Variants in KLK14 observed in about 807,000 individuals in gnomAD.
KLK14 encodes the protein kallikrein-14.
A neutral mutation model predicts 24.6 loss-of-function variants in KLK14; 21 were observed. The observed-to-expected ratio is 0.85, with a 90% CI of 0.61 to 1.23. The LOEUF (loss-of-function observed/expected upper bound fraction) is 1.23. Among genes scored for constraint, KLK14 ranks in the 50% most tolerant of loss-of-function variants. The probability of loss-of-function intolerance (pLI) is 0.00; values close to 1 mark genes in which losing one functional copy is unlikely to be tolerated. For missense variants in KLK14, 320 were observed against 338.9 expected, an observed-to-expected ratio of 0.94 and a Z score of 0.44; for synonymous variants, 133 against 139.7, an observed-to-expected ratio of 0.95 and a Z score of 0.34.
At chr19:51,077,706 G>C (rs534885974), downstream of KLK14, among the ~76,000 whole-genome samples, 1 of 142,622 alleles carries the variant, frequency 7.0e-6, no homozygotes, top group African/African-American at 2.7e-5. Context: ...GGGAGGAGGG[G>C]CTGGGGGCCT....
At chr19:51,084,166 T>TG (rs1479533035), upstream of KLK14, 1 of 152,318 alleles carries the variant, frequency 6.6e-6, no homozygotes, top group East Asian at 1.9e-4. Context: ...TCCTGAGAGA[T>TG]GGGGGAGCAG....
Position 51,079,453 on chromosome 19 carries a change from G to A in KLK14, c.462C>T (p.Pro154=), listed in dbSNP as rs1443891590. The A allele has an allele frequency of 1.2e-6, 2 of 1,608,080 alleles. No homozygotes were observed. The highest frequency in any genetic ancestry group is 1.7e-6 in the Non-Finnish European group (2 of 1,176,124). Residue 154 remains proline, a synonymous_variant, in exon 4 of 6, where the codon CCC becomes CCT. Coordinates refer to ENST00000650543, the MANE Select transcript of KLK14 (RefSeq NM_001369775.2). ...CCAAGACGCAGGAGTCCTCACCGAT[G>A]GGGCTGGATATAGTTCCCCAGCCTG... ...RVSGWGTISS[P]IARYPASLQC...
At position 51,077,921 on chromosome 19, in the gene KLK14, G is replaced by A; in HGVS notation, c.*86C>T. The A allele has an allele frequency of 1.3e-6, 2 of 1,517,456 alleles. No individual in the cohort carries two copies. The highest frequency in any genetic ancestry group is 1.8e-6 in the Non-Finnish European group (2 of 1,118,698). 94.0% of individuals were successfully genotyped at this position (1,517,456 alleles called of 1,614,324 possible). A position where few individuals can be genotyped will look rare whatever the true frequency, so the allele number is the denominator to read the frequency against. On this transcript the variant is annotated 3_prime_UTR_variant, in exon 6 of 6. Coordinates refer to ENST00000650543, the MANE Select transcript of KLK14 (RefSeq NM_001369775.2). ...GCCTGGACTCCTGGGTCTGAGGGAG[G>A]AGGGGCTGGGGCCTGGACTCCTGGG...
chr19:51,081,436 T>C (rs1568598417), intron 3 of KLK14, 96 bp downstream of exon 3: 7 of 1,160,300 alleles, frequency 6.0e-6, no homozygotes, highest in Non-Finnish European at 7.9e-6. Context: ...AGCCACTACA[T>C]TGGGTTCTAT....
rs539060915 is a variant in KLK14, at chr19:51,078,688, C to T, written c.603+127G>A. On this transcript the variant is annotated intron_variant, in intron 5 of 5. Transcript: ENST00000650543. The surrounding 1 kb of genome is among the most constrained non-coding windows in gnomAD (Gnocchi z 5.0). ...CTAGGAAGCAGGGTGGCCTGGCTATCGGAATCTCTCTGTGCCTGCGGTTCA... is the reference window on the plus strand; with the variant it reads ...CTAGGAAGCAGGGTGGCCTGGCTATTGGAATCTCTCTGTGCCTGCGGTTCA... 2.8e-4 allele frequency: 365 copies of T among 1,283,996 alleles called. No individual in the cohort carries two copies. In the African/African-American group the frequency reaches 4.2e-3, roughly 15 times the overall value. 79.5% of individuals were successfully genotyped at this position (1,283,996 alleles called of 1,614,324 possible). A position where few individuals can be genotyped will look rare whatever the true frequency, so the allele number is the denominator to read the frequency against.
At chr19:51,083,963 G>T (rs377218588), upstream of KLK14, among the ~76,000 whole-genome samples, 1 of 152,154 alleles carries the variant, frequency 6.6e-6, no homozygotes, top group South Asian at 2.1e-4. Flanking sequence ...GCAGGCCGAT[G>T]GCAGAGGGGA....
rs748031503 is a variant in KLK14, at chr19:51,081,569, C to A, written c.175G>T (p.Gly59Cys). 1.9e-6 allele frequency: 3 copies of A among 1,545,026 alleles called. No homozygotes were observed. In the South Asian group the frequency reaches 3.6e-5, roughly 19 times the overall value. ...RFLCGGALLS[G>C]QWVITAAHCG... ...TGAGCAGCAGTGATGACCCACTGGC[C>A]TGAAAGCAGGGCGCCTCCGCAGAGG... The change falls in exon 3 of 6, where the codon GGC (glycine) becomes TGC (cysteine). Residue 59 changes from glycine to cysteine, a missense_variant. Transcript: ENST00000650543.
rs1398300670 is a variant in KLK14, at chr19:51,079,621, CACCTGACGA to C, written c.285_293del (p.Arg96_Val98del). ...TCCGGGAGTTGTAGTTGGGGTGCGT[CACCTGACGA>C]ACCACGCGCAGCACCTGCTGGGTGG... On this transcript the variant is annotated inframe_deletion, in exon 4 of 6. Coordinates refer to ENST00000650543, the MANE Select transcript of KLK14 (RefSeq NM_001369775.2). 6.2e-7 allele frequency: 1 copy of C among 1,612,488 alleles called. No homozygotes were observed. Among genetic ancestry groups the C allele is most frequent in the African/African-American group, 1.3e-5 (1 of 74,904 alleles).
downstream of KLK14, chr19:51,077,797 C>T (rs12984702): frequency 1.4e-4 from 33 of 230,212 alleles, no homozygotes; most frequent in African/African-American, 3.6e-4. Context: ...CCTGGACTCC[C>T]GGGTCTGAGG....
Position 51,079,661 on chromosome 19 carries a change from C to G in KLK14, c.254G>C (p.Trp85Ser), listed in dbSNP as rs755411105. The change falls in exon 4 of 6, where the codon TGG (tryptophan) becomes TCG (serine). Residue 85 changes from tryptophan to serine, a missense_variant. By Grantham distance (177) the Trp-to-Ser change is radical. Coordinates refer to ENST00000650543, the MANE Select transcript of KLK14 (RefSeq NM_001369775.2). ...VALGKHNLRR[W>S]EATQQVLRVV... The stretch of plus-strand genomic sequence containing the variant: ...GCGCAGCACCTGCTGGGTGGCCTCC[C>G]ACCTCCTCAGGTTGTGCTTGCCCAG... 1.6e-5 allele frequency: 25 copies of G among 1,587,366 alleles called. No individual in the cohort carries two copies. In the East Asian group the frequency reaches 5.8e-4, roughly 37 times the overall value.
At position 51,079,620 on chromosome 19, in the gene KLK14, T is replaced by C. The variant is rs2091826895; in HGVS notation, c.295A>G (p.Thr99Ala). 2 of 1,612,634 alleles carry C rather than the reference T, an allele frequency of 1.2e-6. No individual in the cohort carries two copies. Among genetic ancestry groups the C allele is most frequent in the Non-Finnish European group, 1.7e-6 (2 of 1,179,450 alleles). ...GTCCGGGAGTTGTAGTTGGGGTGCGTCACCTGACGAACCACGCGCAGCACC... is the reference window on the plus strand; with the variant it reads ...GTCCGGGAGTTGTAGTTGGGGTGCGCCACCTGACGAACCACGCGCAGCACC... The part of the protein sequence containing the change: ...QQVLRVVRQV[T>A]HPNYNSRTHD... The change falls in exon 4 of 6, where the codon ACG (threonine) becomes GCG (alanine). Residue 99 changes from threonine (T) to alanine (A), a missense_variant. Coordinates refer to ENST00000650543, the MANE Select transcript of KLK14 (RefSeq NM_001369775.2).
At chr19:51,080,189 T>TG (rs1200882325) in intron 3 of KLK14, among the ~76,000 whole-genome samples, 11 of 151,734 alleles carry the variant, frequency 7.2e-5, no homozygotes, top group African/African-American at 2.4e-4. Flanking sequence ...TTTATTTTTT[T>TG]TTTGTGATGG....
In KLK14 at chr19:51,078,846, C is replaced by T; in HGVS notation, c.572G>A (p.Gly191Glu). The T allele has an allele frequency of 6.2e-7, 1 of 1,614,078 alleles. No homozygotes were observed. Among genetic ancestry groups the T allele is most frequent in the South Asian group, 1.1e-5 (1 of 91,084 alleles). ...AGAGTCCTTCCCGCCCTGGGGAACTCCTGCACAGACCATGCCAGGCGTGAT... is the reference window on the plus strand; with the variant it reads ...AGAGTCCTTCCCGCCCTGGGGAACTTCTGCACAGACCATGCCAGGCGTGAT... ...RTITPGMVCAGVPQGGKDSCQ... is the reference protein window; with the variant it reads ...RTITPGMVCAEVPQGGKDSCQ... Residue 191 changes from glycine to glutamate, a missense_variant, in exon 5 of 6, where the codon GGA (glycine) becomes GAA (glutamate). By Grantham distance (98) the Gly-to-Glu change is moderately conservative (BLOSUM62 -2). Transcript: ENST00000650543. The surrounding 1 kb of genome is among the most constrained non-coding windows in gnomAD (Gnocchi z 5.0).
At position 51,082,879 on chromosome 19, in the gene KLK14, G is replaced by A; in HGVS notation, c.-180C>T. ...TGTCTTGATGAAGGAAGGAGGGGAG[G>A]TGTCTCTCTTCCTAGTCACACTGGC... On this transcript the variant is annotated 5_prime_UTR_variant, in exon 1 of 6. Coordinates refer to ENST00000650543, the MANE Select transcript of KLK14 (RefSeq NM_001369775.2). 2 of 1,006,790 alleles carry A rather than the reference G, an allele frequency of 2.0e-6. No individual in the cohort carries two copies. Among genetic ancestry groups the A allele is most frequent in the South Asian group, 3.0e-5 (2 of 66,162 alleles). The allele number at this position is 1,006,790 out of a possible 1,614,324, so 62.4% of individuals were successfully genotyped here. A position where few individuals can be genotyped will look rare whatever the true frequency, so the allele number is the denominator to read the frequency against.
chr19:51,079,360 C>T, intron 4 of KLK14, 89 bp downstream of exon 4: 1 of 1,357,144 alleles, frequency 7.4e-7, no homozygotes, highest in Non-Finnish European at 9.9e-7. Flanking sequence ...TCCCTCAGAC[C>T]CAGGAGCCCC....
Position 51,079,610 on chromosome 19 carries a change from T to A in KLK14, c.305A>T (p.Asn102Ile). 3.1e-6 allele frequency: 5 copies of A among 1,613,410 alleles called. No homozygotes were observed. The highest frequency in any genetic ancestry group is 4.2e-6 in the Non-Finnish European group (5 of 1,179,752). ...GTTGTCGTGGGTCCGGGAGTTGTAG[T>A]TGGGGTGCGTCACCTGACGAACCAC... ...LRVVRQVTHP[N>I]YNSRTHDNDL... The change falls in exon 4 of 6, where the codon AAC becomes ATC. Residue 102 changes from asparagine to isoleucine, a missense_variant. Coordinates refer to ENST00000650543, the MANE Select transcript of KLK14 (RefSeq NM_001369775.2).
chr19:51,081,776 CA>C lies in KLK14; in HGVS notation c.41-74del, dbSNP rs574882564. ...TCCACTCCACAAGTTTGTAGGATTC[CA>C]AAACTGACAAATCCCCTTCCTTTTG... On this transcript the variant is annotated intron_variant, in intron 2 of 5. Coordinates refer to ENST00000650543, the MANE Select transcript of KLK14 (RefSeq NM_001369775.2). The C allele has an allele frequency of 6.4e-4, 852 of 1,330,958 alleles. 5 individuals carry two copies. In the African/African-American group the frequency reaches 0.012, roughly 18 times the overall value. 82.4% of individuals were successfully genotyped at this position (1,330,958 alleles called of 1,614,324 possible).
intron 2 of KLK14, 137 bp from the exon 3 acceptor site, chr19:51,081,840 C>T: frequency 3.9e-6 from 3 of 773,212 alleles, no homozygotes; most frequent in South Asian, 2.1e-5. Context: ...TCTGTCCCAC[C>T]CAGGGTGAGA....
intron 4 of KLK14, among the ~76,000 whole-genome samples, 159 bp from the exon 5 acceptor site, chr19:51,079,110 A>G (rs1423890733): frequency 8.0e-5 from 10 of 124,498 alleles, no homozygotes; most frequent in African/African-American, 3.3e-4. Flanking sequence ...CCTCAGACCC[A>G]GGAGTCCAGA....
Sources: allele counts gnomAD v4.1 joint callset (sites outside exome capture counted in the v4.1 genomes callset), GRCh38; gene constraint gnomAD v4.1.1; non-coding constraint Gnocchi (gnomAD v3.1); transcripts MANE v1.5; gene names NCBI Gene and HGNC (gene_info 2026-07-23, HGNC 2026-07-21).